Variants in CDK8 observed in about 807,000 individuals in gnomAD.
CDK8 encodes the protein cyclin dependent kinase 8.
Under a neutral mutation model 71.5 loss-of-function variants are expected in CDK8, and 29 were observed. The ratio of observed to expected loss-of-function variants is 0.41; its 90% CI spans 0.30 to 0.55. The LOEUF (loss-of-function observed/expected upper bound fraction) is 0.55. Ranked by LOEUF, CDK8 falls within the 20% of genes least tolerant of loss-of-function variation. CDK8 has a pLI of 0.37. For synonymous variants in CDK8, 161 were observed against 192.1 expected (o/e 0.84, Z 1.34); for missense variants, 288 against 572.6 (o/e 0.50, Z 5.07).
intron 9 of CDK8, among the ~76,000 whole-genome samples, chr13:26,398,687 G>A (rs182866647): frequency 8.2e-4 from 124 of 152,092 alleles, no homozygotes; most frequent in African/African-American, 2.2e-3. Flanking sequence ...AAAATATGTC[G>A]TGTCGGCCTG....
intron 1 of CDK8, among the ~76,000 whole-genome samples, chr13:26,309,857 G>C (rs1001811441): frequency 6.6e-6 from 1 of 151,934 alleles, no homozygotes; most frequent in Non-Finnish European, 1.5e-5. Flanking sequence ...TGTGATCTTG[G>C]CTCACTGTAC....
At chr13:26,368,264 C>CTG (rs1874485689) in intron 4 of CDK8, among the ~76,000 whole-genome samples, 1 of 152,144 alleles carries the variant, frequency 6.6e-6, no homozygotes, top group Admixed American at 6.5e-5. Context: ...CAGAAACTCC[C>CTG]CAGTGATCTT....
At chr13:26,328,852 C>A (rs1337114874) in intron 1 of CDK8, among the ~76,000 whole-genome samples, 2 of 152,086 alleles carry the variant, frequency 1.3e-5, no homozygotes, top group Non-Finnish European at 2.9e-5. Context: ...TTTTCTTTTG[C>A]CCCTCTCTCA....
intron 1 of CDK8, among the ~76,000 whole-genome samples, chr13:26,330,451 C>A (rs182378253): frequency 1.2e-3 from 188 of 152,314 alleles, no homozygotes; most frequent in African/African-American, 4.4e-3. Flanking sequence ...GTGATCTGCC[C>A]GCCTTTCCCT....
intron 1 of CDK8, among the ~76,000 whole-genome samples, chr13:26,284,995 T>C (rs918482194): frequency 7.9e-5 from 12 of 151,164 alleles, no homozygotes; most frequent in African/African-American, 2.4e-4. Flanking sequence ...TCCCAGCAAT[T>C]TGAAAGGCTG....
At chr13:26,358,289 A>G (rs1873984007) in intron 4 of CDK8, among the ~76,000 whole-genome samples, 1 of 151,800 alleles carries the variant, frequency 6.6e-6, no homozygotes, top group Admixed American at 6.6e-5. Context: ...ACAGAGCAAG[A>G]CTCCGTCTCA....
At position 26,362,955 on chromosome 13, in the gene CDK8, A is replaced by T. The variant is rs560423664; in HGVS notation, c.456+9075A>T. On this transcript the variant is annotated intron_variant, in intron 4 of 12. Transcript: ENST00000381527. ...GTAGTCCTGTTTTACTAAATGGCAT[A>T]TAATGTTGAGTGAGATATACTATAA... 8.8e-4 allele frequency among the ~76,000 whole-genome samples: 133 copies of T among 151,500 alleles called. 3 individuals are homozygous for T. The highest frequency in any genetic ancestry group is 6.6e-4 in the Admixed American group (10 of 15,222).
rs112726168 is a variant in CDK8, at chr13:26,396,485, TAATA to T, written c.860+136_860+139del. On this transcript the variant is annotated intron_variant, in intron 8 of 12. Coordinates refer to ENST00000381527, the MANE Select transcript of CDK8 (RefSeq NM_001260.3). ...AATAAATAATTTTACTTATTTACTC[TAATA>T]AATATTTTTCATGATGACAGTCTTT... 2,323 of 363,142 alleles carry T rather than the reference TAATA, an allele frequency of 6.4e-3. 45 individuals carry two copies. The highest frequency in any genetic ancestry group is 0.041 in the African/African-American group (1,955 of 47,562). The allele number at this position is 363,142 out of a possible 1,614,324, so 22.5% of individuals were successfully genotyped here.
At chr13:26,293,785 G>C (rs954968730) in intron 1 of CDK8, among the ~76,000 whole-genome samples, 6 of 151,974 alleles carry the variant, frequency 3.9e-5, no homozygotes, top group African/African-American at 9.7e-5. Flanking sequence ...TTAACCATAA[G>C]CATTAACTCA....
At chr13:26,376,678 G>A (rs1241417228) in intron 4 of CDK8, among the ~76,000 whole-genome samples, 1 of 152,034 alleles carries the variant, frequency 6.6e-6, no homozygotes, top group Non-Finnish European at 1.5e-5. Context: ...AAAATAGAAG[G>A]TTCTATCCCA....
At chr13:26,287,823 C>A (rs1352783434) in intron 1 of CDK8, among the ~76,000 whole-genome samples, 2 of 151,662 alleles carry the variant, frequency 1.3e-5, no homozygotes, top group Non-Finnish European at 2.9e-5. Flanking sequence ...ATAGGAAATC[C>A]CAATTTTAAG....
intron 1 of CDK8, among the ~76,000 whole-genome samples, chr13:26,298,841 A>G (rs1175260205): frequency 6.6e-6 from 1 of 152,048 alleles, no homozygotes; most frequent in East Asian, 1.9e-4. Context: ...TGACTGACCA[A>G]TTTGTCCTTA....
chr13:26,367,198 AAAAC>A (rs561249293), intron 4 of CDK8, among the ~76,000 whole-genome samples: 256 of 152,306 alleles, frequency 1.7e-3, no homozygotes, highest in African/African-American at 5.5e-3. Context: ...AAATGTCTGA[AAAAC>A]AAACAAACAA....
At chr13:26,393,548 C>T (rs766303862) in intron 7 of CDK8, 38 bp downstream of exon 7, 28 of 1,603,670 alleles carry the variant, frequency 1.7e-5, no homozygotes, top group Non-Finnish European at 2.3e-5. Flanking sequence ...TTTTAAATCA[C>T]TGTTGTTTGA....
intron 2 of CDK8, among the ~76,000 whole-genome samples, chr13:26,340,497 G>GT (rs1035955830): frequency 1.3e-4 from 20 of 151,938 alleles, no homozygotes; most frequent in Non-Finnish European, 5.9e-5. Flanking sequence ...GTACGTAGGG[G>GT]TTTTTTTTAA....
chr13:26,360,739 G>T (rs1041972859), intron 4 of CDK8, among the ~76,000 whole-genome samples: 1 of 152,170 alleles, frequency 6.6e-6, no homozygotes, highest in Admixed American at 6.5e-5. Context: ...CAGAAACAAA[G>T]TGGCTTCCAA....
At chr13:26,322,942 T>C (rs993161948) in intron 1 of CDK8, among the ~76,000 whole-genome samples, 2 of 152,218 alleles carry the variant, frequency 1.3e-5, no homozygotes, top group African/African-American at 4.8e-5. Flanking sequence ...TTCTACAGAA[T>C]TTTGGGAATC....
In CDK8 at chr13:26,254,536, G is replaced by A. The variant is rs965757731; in HGVS notation, c.-106G>A. 7.6e-5 allele frequency: 71 copies of A among 930,108 alleles called. No homozygotes were observed. Among genetic ancestry groups the A allele is most frequent in the Non-Finnish European group, 1.0e-4 (64 of 630,676 alleles). 57.6% of individuals were successfully genotyped at this position (930,108 alleles called of 1,614,324 possible). ...CGGGCTGGTGCTGCGGCCGGCGGGC[G>A]TAGAGCGGGCGGGTTCCCGGGGGCT... is the stretch of plus-strand genomic sequence containing the variant. On this transcript the variant is annotated 5_prime_UTR_variant, in exon 1 of 13. Transcript: ENST00000381527. The surrounding 1 kb of genome is among the most constrained non-coding windows in gnomAD (Gnocchi z 6.7).
At chr13:26,354,856 T>C (rs1271214382) in intron 4 of CDK8, among the ~76,000 whole-genome samples, 1 of 152,228 alleles carries the variant, frequency 6.6e-6, no homozygotes, top group Non-Finnish European at 1.5e-5. Flanking sequence ...TTAAATTACC[T>C]AAACTTCAAA....
Sources: allele counts gnomAD v4.1 joint callset (sites outside exome capture counted in the v4.1 genomes callset), GRCh38; gene constraint gnomAD v4.1.1; non-coding constraint Gnocchi (gnomAD v3.1); transcripts MANE v1.5; gene names NCBI Gene and HGNC (gene_info 2026-07-23, HGNC 2026-07-21).